DENND4C: variants seen among roughly 807,000 people sequenced by gnomAD.
The protein encoded by DENND4C is DENN domain containing 4C.
DENND4C carries 108 observed loss-of-function variants against 203.0 expected under a neutral mutation model. The ratio of observed to expected loss-of-function variants is 0.53; its 90% CI spans 0.46 to 0.62. The LOEUF (loss-of-function observed/expected upper bound fraction) is 0.62, where lower values mean the gene tolerates loss of function less well. Ranked by LOEUF, DENND4C falls within the 20% of genes least tolerant of loss-of-function variation. The probability of loss-of-function intolerance (pLI) is 0.00; values close to 1 mark genes in which losing one functional copy is unlikely to be tolerated. For synonymous variants in DENND4C, 871 were observed against 792.4 expected (o/e 1.10, Z -1.67); for missense variants, 2,481 against 2,301.2 (o/e 1.08, Z -1.60).
intron 10 of DENND4C, among the ~76,000 whole-genome samples, chr9:19,310,693 C>G (rs1840567058): frequency 6.6e-6 from 1 of 151,872 alleles, no homozygotes. Context: ...TTTTTGTGAT[C>G]TTCTTATAGT....
intron 2 of DENND4C, among the ~76,000 whole-genome samples, chr9:19,283,041 A>G (rs2131030876): frequency 6.6e-6 from 1 of 151,376 alleles, no homozygotes; most frequent in South Asian, 2.1e-4. Context: ...CTTATTTTGA[A>G]ATTTTTTGCA....
chr9:19,270,317 C>G (rs1208520916), intron 1 of DENND4C, among the ~76,000 whole-genome samples: 1 of 152,124 alleles, frequency 6.6e-6, no homozygotes, highest in Admixed American at 6.6e-5. Flanking sequence ...GGTTGTGAAT[C>G]TAGCCAGGCT....
intron 10 of DENND4C, among the ~76,000 whole-genome samples, chr9:19,308,013 T>A (rs1309053779): frequency 6.6e-6 from 1 of 152,156 alleles, no homozygotes; most frequent in Non-Finnish European, 1.5e-5. Flanking sequence ...AATTTTTTTC[T>A]ACTTGAATAG....
In DENND4C at chr9:19,262,073, GTTCTTTTTTT is replaced by G. The variant is rs1331639205; in HGVS notation, c.-17-14082_-17-14073del. On this transcript the variant is annotated intron_variant, in intron 1 of 32. Coordinates refer to ENST00000434457, the MANE Select transcript of DENND4C (RefSeq NM_001330640.2). ...TCCTGAAACTTTAGTGAATTTATTA[GTTCTTTTTTT>G]TTTTTTTTTTTTTTTTTTTTTTGAG... Among the ~76,000 whole-genome samples the G allele has an allele frequency of 2.4e-4, 18 of 73,942 alleles. 1 individual carries two copies. The highest frequency in any genetic ancestry group is 8.1e-4 in the African/African-American group (18 of 22,286). 48.5% of individuals were successfully genotyped at this position (73,942 alleles called of 152,430 possible).
intron 7 of DENND4C, 89 bp downstream of exon 7, chr9:19,298,211 G>C: frequency 8.5e-7 from 1 of 1,180,956 alleles, no homozygotes; most frequent in Non-Finnish European, 1.2e-6. Context: ...TTGGGTTTGA[G>C]GTGGAGCAAT....
chr9:19,359,880 T>A (rs1396710048), intron 28 of DENND4C, among the ~76,000 whole-genome samples: 1 of 152,092 alleles, frequency 6.6e-6, no homozygotes, highest in Non-Finnish European at 1.5e-5. Flanking sequence ...CAGTTTAGAG[T>A]TGTAGGAGGA....
chr9:19,356,882 C>G (rs1245111273), intron 26 of DENND4C, 90 bp from the exon 27 acceptor site: 2 of 1,200,054 alleles, frequency 1.7e-6, no homozygotes, highest in Non-Finnish European at 2.4e-6. Flanking sequence ...TTAATGACTG[C>G]TTTAGCAATA....
intron 9 of DENND4C, among the ~76,000 whole-genome samples, chr9:19,301,693 CTTTGGG>C (rs1838613499): frequency 6.6e-6 from 1 of 152,198 alleles, no homozygotes; most frequent in Non-Finnish European, 1.5e-5. Flanking sequence ...AATCCCAGCA[CTTTGGG>C]AGGCCAAGGC....
chr9:19,346,512 C>T lies in DENND4C; in HGVS notation c.3743C>T (p.Thr1248Ile), dbSNP rs1362662062. The stretch of plus-strand genomic sequence containing the variant: ...GTGGTTCAGAGGGAAGATGTTGAAA[C>T]TGGACTAGATCCTTTGTCTCTTTTA... The part of the protein sequence containing the change: ...AKVVQREDVE[T>I]GLDPLSLLAT... The change falls in exon 23 of 33, where the codon ACT becomes ATT. Residue 1248 changes from threonine to isoleucine, a missense_variant. Thr to Ile is a moderately conservative substitution (Grantham distance 89). This residue lies in a region of DENND4C where 2,289 missense variants were observed against 2,113.3 expected (regional missense o/e 1.08). Transcript: ENST00000434457. The T allele has an allele frequency of 1.2e-6, 2 of 1,614,148 alleles. No individual in the cohort carries two copies. Among genetic ancestry groups the T allele is most frequent in the Non-Finnish European group, 1.7e-6 (2 of 1,180,024 alleles).
chr9:19,370,092 C>G (rs745657948), intron 31 of DENND4C, 105 bp downstream of exon 31: 1 of 1,278,520 alleles, frequency 7.8e-7, no homozygotes, highest in Non-Finnish European at 1.1e-6. Flanking sequence ...AACACATACT[C>G]ATTGCAAAAC....
intron 10 of DENND4C, among the ~76,000 whole-genome samples, chr9:19,312,449 G>C (rs1588895904): frequency 6.6e-6 from 1 of 152,186 alleles, no homozygotes; most frequent in Non-Finnish European, 1.5e-5. Flanking sequence ...GTGTATTGCA[G>C]TGTGCTGCTA....
At chr9:19,245,709 A>T (rs1356390094) in intron 1 of DENND4C, among the ~76,000 whole-genome samples, 1 of 152,044 alleles carries the variant, frequency 6.6e-6, no homozygotes. Context: ...ACAAAAAACT[A>T]GCCAGGCGTG....
At chr9:19,239,043 G>C (rs1823019130) in intron 1 of DENND4C, among the ~76,000 whole-genome samples, 1 of 151,864 alleles carries the variant, frequency 6.6e-6, no homozygotes, top group Non-Finnish European at 1.5e-5. Flanking sequence ...CCAGCCTCTT[G>C]CTTTTTTCTT....
At chr9:19,266,249 A>G (rs774974557) in intron 1 of DENND4C, among the ~76,000 whole-genome samples, 5 of 152,068 alleles carry the variant, frequency 3.3e-5, no homozygotes, top group Non-Finnish European at 5.9e-5. Context: ...CTGCATAAAT[A>G]TATCTTCTTT....
chr9:19,249,667 A>G (rs1159193207), intron 1 of DENND4C, among the ~76,000 whole-genome samples: 4 of 152,210 alleles, frequency 2.6e-5, no homozygotes, highest in Non-Finnish European at 5.9e-5. Context: ...GAGTGAAGAA[A>G]ATCAACAAAT....
intron 12 of DENND4C, among the ~76,000 whole-genome samples, chr9:19,324,075 G>T (rs1449941669): frequency 1.3e-5 from 2 of 151,934 alleles, no homozygotes; most frequent in Non-Finnish European, 2.9e-5. Flanking sequence ...ATGTATATGT[G>T]AAACATAAAT....
intron 1 of DENND4C, among the ~76,000 whole-genome samples, chr9:19,252,882 C>T (rs774634338): frequency 1.1e-4 from 17 of 152,050 alleles, no homozygotes; most frequent in African/African-American, 1.7e-4. Context: ...ACCACAGGCA[C>T]GAGCCGCCAC....
At chr9:19,285,676 G>A (rs1256310280) in intron 2 of DENND4C, among the ~76,000 whole-genome samples, 1 of 147,936 alleles carries the variant, frequency 6.8e-6, no homozygotes, top group Admixed American at 6.8e-5. Flanking sequence ...ATTTATTTCT[G>A]TTTTTCAAAG....
chr9:19,367,281 C>T (rs1227819705), intron 30 of DENND4C, among the ~76,000 whole-genome samples: 1 of 152,234 alleles, frequency 6.6e-6, no homozygotes, highest in African/African-American at 2.4e-5. Flanking sequence ...AACAGTTTCA[C>T]AGCTCCTCAA....
Sources: allele counts gnomAD v4.1 joint callset (sites outside exome capture counted in the v4.1 genomes callset), GRCh38; gene constraint gnomAD v4.1.1; regional missense constraint gnomAD v4.1.1; transcripts MANE v1.5; gene names NCBI Gene and HGNC (gene_info 2026-07-23, HGNC 2026-07-21).